AKAP19: variants seen among roughly 807,000 people sequenced by gnomAD.
AKAP19 encodes the protein small A-kinase anchoring protein.
chr2:190,049,199 T>C, the AKAP19 span, among the ~76,000 whole-genome samples: 1 of 152,132 alleles, frequency 6.6e-6, no homozygotes, highest in East Asian at 1.9e-4. Context: ...CATAGATTTC[T>C]TTAAAGAAAT....
the AKAP19 span, among the ~76,000 whole-genome samples, chr2:190,001,170 A>T: frequency 6.6e-6 from 1 of 152,184 alleles, no homozygotes; most frequent in East Asian, 1.9e-4. Flanking sequence ...GTTTTTTAAA[A>T]AAATAATTTC....
the AKAP19 span, among the ~76,000 whole-genome samples, chr2:189,974,099 T>G: frequency 2.0e-5 from 3 of 152,226 alleles, no homozygotes; most frequent in South Asian, 6.2e-4. Flanking sequence ...TCTTTCCTGC[T>G]TTCTCTTGTG....
chr2:190,184,714 G>A, the AKAP19 span, among the ~76,000 whole-genome samples: 1 of 152,132 alleles, frequency 6.6e-6, no homozygotes, highest in African/African-American at 2.4e-5. Context: ...AGGGGAAAGG[G>A]TGCTGGGTGG....
the AKAP19 span, among the ~76,000 whole-genome samples, chr2:189,942,911 A>G: frequency 1.3e-5 from 2 of 152,234 alleles, no homozygotes; most frequent in Non-Finnish European, 2.9e-5. Context: ...CTATGCTCAG[A>G]TGTAGGAGCA....
chr2:190,063,228 G>C, the AKAP19 span, among the ~76,000 whole-genome samples: 1 of 152,068 alleles, frequency 6.6e-6, no homozygotes, highest in African/African-American at 2.4e-5. Context: ...TAAAAGTTAA[G>C]ATTATGATAC....
the AKAP19 span, chr2:190,181,204 A>G: frequency 1.0e-6 from 1 of 962,012 alleles, no homozygotes; most frequent in South Asian, 4.8e-5. Flanking sequence ...TCAATGGCAG[A>G]AACCCATGAG....
At chr2:189,942,775 T>C in the AKAP19 span, among the ~76,000 whole-genome samples, 1 of 152,242 alleles carries the variant, frequency 6.6e-6, no homozygotes, top group Non-Finnish European at 1.5e-5. Flanking sequence ...AGAGCTTGAC[T>C]GCATTCTGTT....
the AKAP19 span, among the ~76,000 whole-genome samples, chr2:189,937,643 A>G: frequency 6.6e-6 from 1 of 152,238 alleles, no homozygotes; most frequent in East Asian, 1.9e-4. Flanking sequence ...ACAAATGGCA[A>G]ACCGATATAT....
At chr2:190,200,197 A>C in the AKAP19 span, 1 of 1,536,444 alleles carries the variant, frequency 6.5e-7, no homozygotes, top group Non-Finnish European at 8.9e-7. Flanking sequence ...GTTTGAATAA[A>C]TGTGACAAAA....
the AKAP19 span, among the ~76,000 whole-genome samples, chr2:190,094,956 G>A: frequency 6.6e-6 from 1 of 152,240 alleles, no homozygotes. Context: ...CGGGCGCGGT[G>A]GCTCACGCCG....
At chr2:190,125,088 G>A in the AKAP19 span, among the ~76,000 whole-genome samples, 1 of 152,050 alleles carries the variant, frequency 6.6e-6, no homozygotes, top group South Asian at 2.1e-4. Flanking sequence ...ACCTTCTGGA[G>A]GCTGTTTTAC....
At chr2:189,997,790 T>A in the AKAP19 span, among the ~76,000 whole-genome samples, 1 of 152,208 alleles carries the variant, frequency 6.6e-6, no homozygotes, top group East Asian at 1.9e-4. Flanking sequence ...CAGCAGTTCC[T>A]GTTTGCCCCG....
At chr2:189,902,413 T>A in the AKAP19 span, among the ~76,000 whole-genome samples, 1 of 152,054 alleles carries the variant, frequency 6.6e-6, no homozygotes, top group Non-Finnish European at 1.5e-5. Flanking sequence ...TTTGGCATAA[T>A]TACAAATGAA....
At chr2:189,927,593 C>T in the AKAP19 span, among the ~76,000 whole-genome samples, 1 of 152,298 alleles carries the variant, frequency 6.6e-6, no homozygotes, top group Admixed American at 6.5e-5. Context: ...CTTTACCATT[C>T]TTTCTTTTCT....
chr2:190,024,178 A>C, the AKAP19 span, among the ~76,000 whole-genome samples: 1 of 151,950 alleles, frequency 6.6e-6, no homozygotes, highest in Non-Finnish European at 1.5e-5. Context: ...GTCGCTGGAC[A>C]GCGTCCTGGT....
the AKAP19 span, among the ~76,000 whole-genome samples, chr2:189,978,883 G>A: frequency 5.9e-5 from 9 of 151,858 alleles, no homozygotes; most frequent in Non-Finnish European, 1.2e-4. Context: ...AAGTTACCTG[G>A]TAATTACCAG....
At chr2:189,996,452 T>C in the AKAP19 span, among the ~76,000 whole-genome samples, 1 of 152,236 alleles carries the variant, frequency 6.6e-6, no homozygotes, top group Non-Finnish European at 1.5e-5. Context: ...GATTGTTTTT[T>C]CTTCATGGTA....
the AKAP19 span, among the ~76,000 whole-genome samples, chr2:190,092,916 C>G: frequency 4.4e-3 from 665 of 152,260 alleles, 4 homozygotes; most frequent in African/African-American, 0.015. Context: ...AAGAGTTTTA[C>G]TTACAGCGAG....
the AKAP19 span, among the ~76,000 whole-genome samples, chr2:190,114,745 C>T: frequency 2.6e-5 from 4 of 152,146 alleles, no homozygotes; most frequent in African/African-American, 4.8e-5. Flanking sequence ...CTTGAGCCAC[C>T]GCGCCCAGCT....
Sources: allele counts gnomAD v4.1 joint callset (sites outside exome capture counted in the v4.1 genomes callset), GRCh38; gene constraint gnomAD v4.1.1; transcripts MANE v1.5; gene names NCBI Gene and HGNC (gene_info 2026-07-23, HGNC 2026-07-21).